Variants in RTN1 observed in about 807,000 individuals in gnomAD.
The protein encoded by RTN1 is reticulon 1, also known as reticulon-1.
Under a neutral mutation model 65.5 loss-of-function variants are expected in RTN1, and 25 were observed. The observed-to-expected ratio is 0.38, with a 90% CI of 0.28 to 0.53. The LOEUF (loss-of-function observed/expected upper bound fraction) is 0.53, where lower values mean the gene tolerates loss of function less well. Among genes scored for constraint, RTN1 ranks in the 20% least tolerant of loss-of-function variants. RTN1 has a pLI of 0.79. For missense variants in RTN1, 983 were observed against 1,025.4 expected (o/e 0.96, Z 0.57); for synonymous variants, 471 against 447.6 (o/e 1.05, Z -0.66).
At chr14:59,629,363 A>G (rs1882483231) in intron 3 of RTN1, among the ~76,000 whole-genome samples, 1 of 152,232 alleles carries the variant, frequency 6.6e-6, no homozygotes, top group African/African-American at 2.4e-5. Context: ...CTACAGAGGC[A>G]TTAAAGATAA....
At chr14:59,847,952 C>T (rs1344904775) in intron 1 of RTN1, among the ~76,000 whole-genome samples, 1 of 152,176 alleles carries the variant, frequency 6.6e-6, no homozygotes, top group Non-Finnish European at 1.5e-5. Flanking sequence ...GACTTTTAGC[C>T]AGGCCACTCT....
chr14:59,663,748 A>T (rs1297754413), intron 3 of RTN1, among the ~76,000 whole-genome samples: 2 of 152,232 alleles, frequency 1.3e-5, no homozygotes, highest in Non-Finnish European at 2.9e-5. Context: ...ACTGGTCATT[A>T]GAGACATGCA....
chr14:59,804,409 C>G (rs1886599859), intron 1 of RTN1, among the ~76,000 whole-genome samples: 1 of 152,144 alleles, frequency 6.6e-6, no homozygotes, highest in African/African-American at 2.4e-5. Flanking sequence ...GTAGTGTTCT[C>G]CTGGTGCCTT....
intron 3 of RTN1, among the ~76,000 whole-genome samples, chr14:59,702,192 T>C (rs1342517715): frequency 6.6e-6 from 1 of 152,178 alleles, no homozygotes; most frequent in African/African-American, 2.4e-5. Flanking sequence ...AATAATTAAA[T>C]AAGGGCCTTT....
intron 3 of RTN1, among the ~76,000 whole-genome samples, chr14:59,707,840 G>A (rs968821650): frequency 6.6e-6 from 1 of 151,932 alleles, no homozygotes; most frequent in African/African-American, 2.4e-5. Flanking sequence ...GCCTCATCCA[G>A]TATTCAGTAG....
rs1480225324 is a variant in RTN1 at position 59,829,374 on chromosome 14, T to TA, written c.241+41015dup. On this transcript the variant is annotated intron_variant, in intron 1 of 8. Transcript: ENST00000267484. This position sits in a 1 kb window ranked among gnomAD's most constrained non-coding sequence, Gnocchi z 4.3. ...ATGCCCCTGTAATTAAGGTATGCATTAAAAAACACCTCTATTAGTCAAAAT... is the reference window on the plus strand; with the variant it reads ...ATGCCCCTGTAATTAAGGTATGCATTAAAAAAACACCTCTATTAGTCAAAAT... Among the ~76,000 whole-genome samples the TA allele has an allele frequency of 2.0e-5, 3 of 152,134 alleles. No individual in the cohort carries two copies. Among genetic ancestry groups the TA allele is most frequent in the Non-Finnish European group, 4.4e-5 (3 of 68,016 alleles).
intron 3 of RTN1, among the ~76,000 whole-genome samples, chr14:59,719,115 A>G (rs374896691): frequency 2.0e-5 from 3 of 152,166 alleles, no homozygotes; most frequent in East Asian, 3.9e-4. Flanking sequence ...GTCACTTTCT[A>G]GTTTAAAAAT....
In RTN1 at chr14:59,749,733, TTATA is replaced by T. The variant is rs1326624148; in HGVS notation, c.242-3256_242-3253del. Among the ~76,000 whole-genome samples, 101 of 26,792 alleles carry T rather than the reference TTATA, an allele frequency of 3.8e-3. 11 individuals are homozygous for T. The highest frequency in any genetic ancestry group is 2.1e-3 in the Admixed American group (3 of 1,412). The allele number at this position is 26,792 out of a possible 152,430, so 17.6% of individuals were successfully genotyped here. ...TCTATATATTTATATATCTATATAT[TTATA>T]TATATATCTATATGTATATTTATAT... On this transcript the variant is annotated intron_variant, in intron 1 of 8. Coordinates refer to ENST00000267484, the MANE Select transcript of RTN1 (RefSeq NM_021136.3).
rs2139647204 is a variant in RTN1, at chr14:59,836,394, G to T, written c.241+33996C>A. Among the ~76,000 whole-genome samples, 1 of 152,244 alleles carries T rather than the reference G, an allele frequency of 6.6e-6. No homozygotes were observed. Among genetic ancestry groups the T allele is most frequent in the South Asian group, 2.1e-4 (1 of 4,822 alleles). On this transcript the variant is annotated intron_variant, in intron 1 of 8. Coordinates refer to ENST00000267484, the MANE Select transcript of RTN1 (RefSeq NM_021136.3). This position sits in a 1 kb window ranked among gnomAD's most constrained non-coding sequence, Gnocchi z 4.9. ...CCATTGTCCCCATTATAGAGATGAG[G>T]ACTCTCAGGCACAGAGAGATTAAGG...
chr14:59,672,292 TAGAC>T (rs1883522913), intron 3 of RTN1, among the ~76,000 whole-genome samples: 1 of 152,162 alleles, frequency 6.6e-6, no homozygotes, highest in Non-Finnish European at 1.5e-5. Context: ...AAAGTGAAAT[TAGAC>T]AGTGCACCTC....
intron 1 of RTN1, among the ~76,000 whole-genome samples, chr14:59,792,127 T>C (rs770633189): frequency 1.3e-5 from 2 of 152,162 alleles, no homozygotes; most frequent in Non-Finnish European, 2.9e-5. Flanking sequence ...CTGCCATTAT[T>C]TGATGGCTGC....
chr14:59,750,359 C>CTATAATA (rs1566713697), intron 1 of RTN1, among the ~76,000 whole-genome samples: 1 of 6,566 alleles, frequency 1.5e-4, no homozygotes, highest in African/African-American at 6.3e-4. Context: ...TATATTATAT[C>CTATAATA]TATATATTAT....
chr14:59,684,941 C>G (rs1313634346), intron 3 of RTN1, among the ~76,000 whole-genome samples: 1 of 152,044 alleles, frequency 6.6e-6, no homozygotes. Flanking sequence ...ATTCTTTATT[C>G]TCTCCACTCT....
rs755035317 is a variant in RTN1, at chr14:59,630,496, G to A, written c.1766-23004C>T. ...ACAGTCCATCTTGGTGGAATCGGCA[G>A]TGGCCTGCATCGTGCGGGCTTTGGG... is the stretch of plus-strand genomic sequence containing the variant. On this transcript the variant is annotated intron_variant, in intron 3 of 8. Transcript: ENST00000267484. 3 of 1,613,804 alleles carry A rather than the reference G, an allele frequency of 1.9e-6. No homozygotes were observed. The African/African-American group carries it at 4.0e-5, about 22-fold the overall frequency.
intron 3 of RTN1, among the ~76,000 whole-genome samples, chr14:59,723,383 G>A (rs1226008995): frequency 2.6e-5 from 4 of 151,880 alleles, no homozygotes; most frequent in Non-Finnish European, 4.4e-5. Flanking sequence ...AAGGTGGGTG[G>A]ATCACAAGGT....
Position 59,845,786 on chromosome 14 carries a change from C to A in RTN1, c.241+24604G>T, listed in dbSNP as rs143106575. Among the ~76,000 whole-genome samples the A allele has an allele frequency of 2.0e-3, 311 of 152,182 alleles. 5 individuals carry two copies. Among genetic ancestry groups the A allele is most frequent in the African/African-American group, 7.2e-3 (300 of 41,506 alleles). On this transcript the variant is annotated intron_variant, in intron 1 of 8. Transcript: ENST00000267484. ...GTCTATTCCTTTGGACCCACTGAAC[C>A]CTTTCCCTAGAAGAATCTCCCAAAC...
chr14:59,728,415 C>T (rs1884829710), intron 2 of RTN1, among the ~76,000 whole-genome samples: 1 of 152,062 alleles, frequency 6.6e-6, no homozygotes, highest in African/African-American at 2.4e-5. Context: ...CCTCTCTTCA[C>T]TTCCTCTCGA....
chr14:59,716,993 A>C (rs200863256), intron 3 of RTN1, among the ~76,000 whole-genome samples: 64,053 of 148,064 alleles, frequency 0.43, 14,992 homozygotes, highest in African/African-American at 0.61. Flanking sequence ...AAACAAAAAA[A>C]AAAAAAAAAA....
chr14:59,659,785 C>A (rs561302291), intron 3 of RTN1, among the ~76,000 whole-genome samples: 136 of 152,294 alleles, frequency 8.9e-4, no homozygotes, highest in Non-Finnish European at 1.7e-3. Flanking sequence ...ACTGCAAAAA[C>A]ATACCAAATT....
Sources: allele counts gnomAD v4.1 joint callset (sites outside exome capture counted in the v4.1 genomes callset), GRCh38; gene constraint gnomAD v4.1.1; non-coding constraint Gnocchi (gnomAD v3.1); transcripts MANE v1.5; gene names NCBI Gene and HGNC (gene_info 2026-07-23, HGNC 2026-07-21).